MYO1H: variants seen among roughly 807,000 people sequenced by gnomAD.
The protein encoded by MYO1H is myosin IH.
In MYO1H, 118 loss-of-function variants were observed where a neutral mutation model predicts 149.3. The ratio of observed to expected loss-of-function variants is 0.79; its 90% CI spans 0.68 to 0.92. The LOEUF is 0.92. Ranked by LOEUF, MYO1H falls within the 40% of genes least tolerant of loss-of-function variation. The pLI, the probability that MYO1H is intolerant of heterozygous loss-of-function variation, is 0.00. For missense variants in MYO1H, 1,212 were observed against 1,280.7 expected (o/e 0.95, Z 0.82); for synonymous variants, 447 against 465.2 (o/e 0.96, Z 0.50).
At chr12:109,326,480 T>C in the MYO1H span, among the ~76,000 whole-genome samples, 1 of 149,082 alleles carries the variant, frequency 6.7e-6, no homozygotes, top group African/African-American at 2.5e-5. Flanking sequence ...ACTCTACCTT[T>C]TTTTTATATT....
chr12:109,410,160 GAGACAAGATCTCACTC>G, intron 12 of MYO1H, 92 bp downstream of exon 12: 1 of 631,614 alleles, frequency 1.6e-6, no homozygotes, highest in Non-Finnish European at 2.4e-6. Context: ...TTATTTTTTT[GAGACAAGATCTCACTC>G]TGTCGCCCAG....
At chr12:109,337,179 A>G in the MYO1H span, among the ~76,000 whole-genome samples, 1 of 152,200 alleles carries the variant, frequency 6.6e-6, no homozygotes, top group Non-Finnish European at 1.5e-5. Context: ...AGAAACCTGA[A>G]AGCATTTTTT....
chr12:109,397,387 C>A (rs1421364088), intron 4 of MYO1H, among the ~76,000 whole-genome samples: 1 of 152,016 alleles, frequency 6.6e-6, no homozygotes, highest in East Asian at 1.9e-4. Flanking sequence ...AGCAGAGCAA[C>A]GGTGGTATAA....
At chr12:109,388,924 AT>A in intron 2 of MYO1H, 80 bp downstream of exon 2, 1 of 1,467,112 alleles carries the variant, frequency 6.8e-7, no homozygotes, top group Non-Finnish European at 9.2e-7. Flanking sequence ...AGTGTGAATA[AT>A]AGCACTCTAT....
the MYO1H span, among the ~76,000 whole-genome samples, chr12:109,334,086 G>A: frequency 2.0e-5 from 3 of 151,644 alleles, no homozygotes; most frequent in South Asian, 2.1e-4. Flanking sequence ...ATGCAATCTC[G>A]GCTCACTGCA....
At chr12:109,364,282 C>G (rs988485336) in intron 1 of MYO1H, among the ~76,000 whole-genome samples, 1 of 151,076 alleles carries the variant, frequency 6.6e-6, no homozygotes, top group Non-Finnish European at 1.5e-5. Flanking sequence ...TGTGGATAAG[C>G]ATACACATAC....
At chr12:109,333,622 G>A in the MYO1H span, among the ~76,000 whole-genome samples, 2 of 152,146 alleles carry the variant, frequency 1.3e-5, no homozygotes, top group Non-Finnish European at 2.9e-5. Context: ...CTAAGTGTGT[G>A]CCAGGGCCTG....
rs1290182344 is a variant in MYO1H at position 109,443,274 on chromosome 12, GTA to G, written c.2689-236_2689-235del. On this transcript the variant is annotated intron_variant, in intron 27 of 31. Coordinates refer to ENST00000310903, the Ensembl canonical transcript of MYO1H. Reference sequence around the variant, plus strand: ...TGTATATGTGTACGTATATGTGTGTGTATATGTGTACGTATATATGTGTGTAT... The same window carrying G: ...TGTATATGTGTACGTATATGTGTGTGTATGTGTACGTATATATGTGTGTAT... Among the ~76,000 whole-genome samples the G allele has an allele frequency of 1.4e-4, 8 of 56,202 alleles. 2 individuals are homozygous for G. Among genetic ancestry groups the G allele is most frequent in the Non-Finnish European group, 2.3e-4 (6 of 26,608 alleles). 36.9% of individuals were successfully genotyped at this position (56,202 alleles called of 152,430 possible). A position where few individuals can be genotyped will look rare whatever the true frequency, so the allele number is the denominator to read the frequency against.
At chr12:109,327,480 C>T in the MYO1H span, among the ~76,000 whole-genome samples, 2 of 151,494 alleles carry the variant, frequency 1.3e-5, no homozygotes, top group Non-Finnish European at 1.5e-5. Flanking sequence ...CTGGGTGCGA[C>T]GGCTCACGCC....
intron 14 of MYO1H, among the ~76,000 whole-genome samples, chr12:109,414,735 T>C (rs1392495731): frequency 1.3e-5 from 2 of 152,116 alleles, no homozygotes; most frequent in African/African-American, 4.8e-5. Flanking sequence ...TGAGACAAGG[T>C]CTCACTCTGT....
the MYO1H span, among the ~76,000 whole-genome samples, chr12:109,341,811 T>C: frequency 0.5 from 75,535 of 151,932 alleles, 19,400 homozygotes; most frequent in African/African-American, 0.6. Flanking sequence ...ACTCCCTGGG[T>C]TATTACTAGA....
At chr12:109,341,943 T>C in the MYO1H span, among the ~76,000 whole-genome samples, 5 of 152,228 alleles carry the variant, frequency 3.3e-5, no homozygotes, top group South Asian at 2.1e-4. Context: ...GATTTCAGGT[T>C]TTATATATGG....
intron 31 of MYO1H, 75 bp downstream of exon 31, chr12:109,445,687 C>A: frequency 6.6e-7 from 1 of 1,525,024 alleles, no homozygotes; most frequent in Non-Finnish European, 8.7e-7. Context: ...CAATTTCAGT[C>A]CTGTAGATTG....
At chr12:109,402,644 T>A (rs900459468) in intron 6 of MYO1H, among the ~76,000 whole-genome samples, 1 of 152,068 alleles carries the variant, frequency 6.6e-6, no homozygotes, top group African/African-American at 2.4e-5. Flanking sequence ...TGAAGGTAAA[T>A]AGTGAAAAGA....
chr12:109,444,415 T>C lies in MYO1H; in HGVS notation c.2896-17T>C. On this transcript the variant is annotated splice_polypyrimidine_tract_variant and intron_variant, in intron 29 of 31. Transcript: ENST00000310903. ...CTGTGAATACTGAAATTATGCCTTG[T>C]CTCCTCCCCACCCCAGGGGGATGCC... The C allele has an allele frequency of 6.2e-7, 1 of 1,609,260 alleles. No individual in the cohort carries two copies.
chr12:109,404,381 C>T (rs184989700), intron 7 of MYO1H, among the ~76,000 whole-genome samples: 9 of 152,270 alleles, frequency 5.9e-5, no homozygotes, highest in African/African-American at 4.8e-5. Flanking sequence ...ACTCCGGAGA[C>T]GGAGGCAGGA....
At chr12:109,368,110 T>C (rs1868905937) in intron 1 of MYO1H, among the ~76,000 whole-genome samples, 1 of 152,174 alleles carries the variant, frequency 6.6e-6, no homozygotes, top group Non-Finnish European at 1.5e-5. Context: ...CTCCTACTGG[T>C]TCTCTCAAAG....
In MYO1H at chr12:109,409,705, T is replaced by C. The variant is rs147351824; in HGVS notation, c.1223+81T>C. The C allele has an allele frequency of 5.8e-5, 68 of 1,164,132 alleles. 1 individual carries two copies. In the Middle Eastern group the frequency reaches 1.8e-3, roughly 31 times the overall value. 72.1% of individuals were successfully genotyped at this position (1,164,132 alleles called of 1,614,324 possible). ...CGAGATTTAAATCTTTCGCTAATGT[T>C]ACTAGATTGATTTCCCTGTCCCCAG... On this transcript the variant is annotated intron_variant, in intron 11 of 31. Coordinates refer to ENST00000310903, the Ensembl canonical transcript of MYO1H.
intron 1 of MYO1H, among the ~76,000 whole-genome samples, chr12:109,383,921 G>A (rs1869254515): frequency 6.6e-6 from 1 of 152,190 alleles, no homozygotes; most frequent in Non-Finnish European, 1.5e-5. Flanking sequence ...CAAAATGATG[G>A]TTCTGGTTTG....
Sources: gnomAD v4.1 joint callset for allele counts (sites outside exome capture counted in the v4.1 genomes callset) on GRCh38, gnomAD v4.1.1 for gene constraint, MANE v1.5 for transcripts, NCBI Gene and HGNC (gene_info 2026-07-23, HGNC 2026-07-21) for gene names.